RNF220: variants seen among roughly 807,000 people sequenced by gnomAD.
RNF220 encodes the protein ring finger protein 220.
Under a neutral mutation model 67.1 loss-of-function variants are expected in RNF220, and 7 were observed. The observed-to-expected ratio is 0.10, with a 90% CI of 0.06 to 0.20. The LOEUF (loss-of-function observed/expected upper bound fraction) is 0.20, where lower values mean the gene tolerates loss of function less well. Among genes scored for constraint, RNF220 ranks in the 10% least tolerant of loss-of-function variants. The pLI, the probability that RNF220 is intolerant of heterozygous loss-of-function variation, is 1.00. For synonymous variants in RNF220, 270 were observed against 283.2 expected (o/e 0.95, Z 0.47); for missense variants, 565 against 740.3 (o/e 0.76, Z 2.75).
At chr1:44,483,287 G>A (rs1032605055) in intron 2 of RNF220, among the ~76,000 whole-genome samples, 3 of 151,998 alleles carry the variant, frequency 2.0e-5, no homozygotes, top group African/African-American at 4.8e-5. Context: ...CTTTGCAGCC[G>A]GTTAGACCTG....
intron 2 of RNF220, among the ~76,000 whole-genome samples, chr1:44,450,224 C>T (rs923752795): frequency 2.0e-5 from 3 of 151,992 alleles, no homozygotes; most frequent in Non-Finnish European, 2.9e-5. Context: ...AAAAAAAAGT[C>T]TGAAAGTGAT....
chr1:44,471,368 G>A (rs1216777297), intron 2 of RNF220, among the ~76,000 whole-genome samples: 1 of 152,190 alleles, frequency 6.6e-6, no homozygotes, highest in African/African-American at 2.4e-5. Flanking sequence ...AGAGGTTGTA[G>A]TGAGCCAAGA....
chr1:44,520,085 T>TTTTGTGTG (rs1275270439), intron 2 of RNF220, among the ~76,000 whole-genome samples: 8 of 106,384 alleles, frequency 7.5e-5, no homozygotes, highest in African/African-American at 2.8e-4. Context: ...AAGTCCAGCA[T>TTTTGTGTG]TGTGTGTGTG....
intron 2 of RNF220, among the ~76,000 whole-genome samples, chr1:44,524,123 G>A (rs1001271615): frequency 6.7e-6 from 1 of 149,934 alleles, no homozygotes. Context: ...CTGGAGGGGG[G>A]CAAAGGGAGG....
chr1:44,650,443 C>T lies in RNF220; in HGVS notation c.1630-261C>T. ...GCGTGTAATCTCGTTAGGGCTGCGG[C>T]TGCCACAGCTGGACCCAGCCTTGTT... On this transcript the variant is annotated intron_variant, in intron 14 of 14. Coordinates refer to ENST00000361799, the MANE Select transcript of RNF220 (RefSeq NM_018150.4). The surrounding 1 kb of genome is among the most constrained non-coding windows in gnomAD (Gnocchi z 4.3). 1 of 554,138 alleles carries T rather than the reference C, an allele frequency of 1.8e-6. No individual in the cohort carries two copies. Among genetic ancestry groups the T allele is most frequent in the Non-Finnish European group, 3.3e-6 (1 of 307,320 alleles). The allele number at this position is 554,138 out of a possible 1,614,324, so 34.3% of individuals were successfully genotyped here.
At position 44,632,506 on chromosome 1, in the gene RNF220, A is replaced by G. The variant is rs1426346510; in HGVS notation, c.949+121A>G. On this transcript the variant is annotated intron_variant, in intron 6 of 14. Transcript: ENST00000361799. ...CTCTGGGGCCCGTTGGCTTCTTCGC[A>G]GTCACGGCGCCTGAGTATGTGCAAA... The G allele has an allele frequency of 1.1e-5, 11 of 973,080 alleles. No individual in the cohort carries two copies. In the East Asian group the frequency reaches 2.1e-4, roughly 19 times the overall value. The allele number at this position is 973,080 out of a possible 1,614,324, so 60.3% of individuals were successfully genotyped here. A position where few individuals can be genotyped will look rare whatever the true frequency, so the allele number is the denominator to read the frequency against.
intron 5 of RNF220, among the ~76,000 whole-genome samples, chr1:44,631,351 TTGAG>T (rs1215222996): frequency 1.3e-5 from 2 of 152,180 alleles, no homozygotes; most frequent in Admixed American, 1.3e-4. Context: ...TAGAAAAGGA[TTGAG>T]TGTGAGGGAT....
In RNF220 at chr1:44,417,700, C is replaced by T. The variant is rs1648704952; in HGVS notation, c.625+4978C>T. Among the ~76,000 whole-genome samples the T allele has an allele frequency of 5.3e-5, 8 of 152,220 alleles. No individual in the cohort carries two copies. Among genetic ancestry groups the T allele is most frequent in the Admixed American group, 6.5e-5 (1 of 15,290 alleles). On this transcript the variant is annotated intron_variant, in intron 2 of 14. Coordinates refer to ENST00000361799, the MANE Select transcript of RNF220 (RefSeq NM_018150.4). This position sits in a 1 kb window ranked among gnomAD's most constrained non-coding sequence, Gnocchi z 4.0. ...GGGCTGCCGTTTTCTCGCGGCCGCC[C>T]GCCAGCCCCTCGCCGCTGCCGGCAG...
intron 2 of RNF220, among the ~76,000 whole-genome samples, chr1:44,465,773 C>A (rs2147975521): frequency 6.6e-6 from 1 of 152,224 alleles, no homozygotes; most frequent in Admixed American, 6.5e-5. Flanking sequence ...ATTAAATGTG[C>A]AATAGCATTA....
chr1:44,405,013 C>G (rs939957836), upstream of RNF220, among the ~76,000 whole-genome samples: 2 of 152,128 alleles, frequency 1.3e-5, no homozygotes, highest in Non-Finnish European at 2.9e-5. Flanking sequence ...AAACAAAAGC[C>G]AACGCTCTCT....
At chr1:44,406,699 C>G (rs1040343894) in intron 1 of RNF220, among the ~76,000 whole-genome samples, 1 of 152,226 alleles carries the variant, frequency 6.6e-6, no homozygotes, top group Non-Finnish European at 1.5e-5. Flanking sequence ...CCCCCGCCCC[C>G]CAACCCGGGG....
At chr1:44,446,560 CTT>C (rs1286586874) in intron 2 of RNF220, among the ~76,000 whole-genome samples, 20 of 137,266 alleles carry the variant, frequency 1.5e-4, no homozygotes, top group East Asian at 2.1e-4. Context: ...TTGGAGTAAC[CTT>C]TTTTTTTTTT....
chr1:44,586,019 C>G (rs11581742), intron 2 of RNF220, among the ~76,000 whole-genome samples: 29,612 of 152,168 alleles, frequency 0.19, 3,386 homozygotes, highest in Middle Eastern at 0.29. Context: ...ACCTCCACCC[C>G]CATTGCCCTG....
chr1:44,634,057 T>A lies in RNF220; in HGVS notation c.950-1488T>A, dbSNP rs574022077. On this transcript the variant is annotated intron_variant, in intron 6 of 14. Coordinates refer to ENST00000361799, the MANE Select transcript of RNF220 (RefSeq NM_018150.4). ...TTTCCTCAAACTCCATGCCCAGTTC[T>A]GGCAGGATGGTAGCTTTCCTTTTGG... 3.3e-5 allele frequency among the ~76,000 whole-genome samples: 5 copies of A among 152,364 alleles called. No homozygotes were observed. The South Asian group carries it at 8.3e-4, about 25-fold the overall frequency.
At chr1:44,486,408 C>T (rs1421262940) in intron 2 of RNF220, among the ~76,000 whole-genome samples, 1 of 152,166 alleles carries the variant, frequency 6.6e-6, no homozygotes, top group Admixed American at 6.5e-5. Context: ...TCTCTTCCCC[C>T]GTCATCTTTC....
chr1:44,425,780 C>T (rs762281833), intron 2 of RNF220, among the ~76,000 whole-genome samples: 3 of 152,160 alleles, frequency 2.0e-5, no homozygotes, highest in Non-Finnish European at 2.9e-5. Context: ...GTATAAATGC[C>T]ATACCCTCAC....
intron 6 of RNF220, among the ~76,000 whole-genome samples, chr1:44,633,592 A>G (rs1644235455): frequency 1.3e-5 from 2 of 152,228 alleles, no homozygotes; most frequent in African/African-American, 4.8e-5. Context: ...CAGGGACAAC[A>G]AGGGATCATC....
chr1:44,522,810 G>C (rs1017325193), intron 2 of RNF220, among the ~76,000 whole-genome samples: 3 of 152,200 alleles, frequency 2.0e-5, no homozygotes, highest in African/African-American at 7.2e-5. Flanking sequence ...CTGAGGCCCT[G>C]CCCTCCTGGA....
chr1:44,574,868 T>G (rs1664698668), intron 2 of RNF220, among the ~76,000 whole-genome samples: 1 of 152,158 alleles, frequency 6.6e-6, no homozygotes, highest in Admixed American at 6.5e-5. Flanking sequence ...TTTGTGTTTT[T>G]TTTTTATTTT....
Sources: gnomAD v4.1 joint callset for allele counts (sites outside exome capture counted in the v4.1 genomes callset) on GRCh38, gnomAD v4.1.1 for gene constraint, Gnocchi (gnomAD v3.1) non-coding constraint, MANE v1.5 for transcripts, NCBI Gene and HGNC (gene_info 2026-07-23, HGNC 2026-07-21) for gene names.